MRPS25: variants seen among roughly 807,000 people sequenced by gnomAD.
MRPS25 encodes the protein small ribosomal subunit protein mS25.
In MRPS25, 15 loss-of-function variants were observed where a neutral mutation model predicts 17.3. That is an observed-to-expected ratio of 0.87 (90% CI 0.58 to 1.34). MRPS25 has a LOEUF of 1.34. MRPS25 is among the 40% of genes most tolerant of loss of function. MRPS25 has a pLI of 0.00. For missense variants in MRPS25, 225 were observed against 218.6 expected, an observed-to-expected ratio of 1.03 and a Z score of -0.19; for synonymous variants, 94 against 83.3, an observed-to-expected ratio of 1.13 and a Z score of -0.70.
chr3:15,052,432 C>T lies in MRPS25; in HGVS notation c.*9G>A. On this transcript the variant is annotated 3_prime_UTR_variant, in exon 4 of 4. Coordinates refer to ENST00000253686, the MANE Select transcript of MRPS25 (RefSeq NM_022497.5). ...ACACCATCACCCCAGCCCACAGTGACCGTGGGCCTTAGTCCTGGGCATCGG... is the reference window on the plus strand; with the variant it reads ...ACACCATCACCCCAGCCCACAGTGATCGTGGGCCTTAGTCCTGGGCATCGG... 6.2e-7 allele frequency: 1 copy of T among 1,609,562 alleles called. No individual in the cohort carries two copies.
chr3:15,053,308 A>G, intron 3 of MRPS25, 72 bp downstream of exon 3: 1 of 1,606,518 alleles, frequency 6.2e-7, no homozygotes, highest in Non-Finnish European at 8.5e-7. Flanking sequence ...CACCCTTCCC[A>G]CACACCCCTT....
Position 15,052,713 on chromosome 3 carries a change from C to T in MRPS25, c.330-80G>A, listed in dbSNP as rs560496021. ...AGGGCAGTTTCTCAGCCGAGACAACCCCACCATCCACCAGGGACACCTGGA... is the reference window on the plus strand; with the variant it reads ...AGGGCAGTTTCTCAGCCGAGACAACTCCACCATCCACCAGGGACACCTGGA... On this transcript the variant is annotated intron_variant, in intron 3 of 3. Coordinates refer to ENST00000253686, the MANE Select transcript of MRPS25 (RefSeq NM_022497.5). 66 of 1,441,466 alleles carry T rather than the reference C, an allele frequency of 4.6e-5. No individual in the cohort carries two copies. In the East Asian group the frequency reaches 9.6e-4, roughly 21 times the overall value. The allele number at this position is 1,441,466 out of a possible 1,614,324, so 89.3% of individuals were successfully genotyped here.
In MRPS25 at chr3:15,051,392, C is replaced by T; in HGVS notation, c.*1049G>A. ...AGAGACAAGGTCTTGCCATGTTGCCCAGGCTGGTCTCGAACTCCTGGGCTC... is the reference window on the plus strand; with the variant it reads ...AGAGACAAGGTCTTGCCATGTTGCCTAGGCTGGTCTCGAACTCCTGGGCTC... On this transcript the variant is annotated 3_prime_UTR_variant, in exon 4 of 4. Transcript: ENST00000253686. The T allele has an allele frequency of 1.5e-6, 1 of 670,168 alleles. No individual in the cohort carries two copies. The highest frequency in any genetic ancestry group is 1.8e-6 in the Non-Finnish European group (1 of 542,060). The allele number at this position is 670,168 out of a possible 1,614,324, so 41.5% of individuals were successfully genotyped here. A position where few individuals can be genotyped will look rare whatever the true frequency, so the allele number is the denominator to read the frequency against.
Position 15,061,268 on chromosome 3 carries a change from C to T in MRPS25, c.135-1793G>A, listed in dbSNP as rs536064336. Among the ~76,000 whole-genome samples the T allele has an allele frequency of 7.4e-4, 113 of 152,300 alleles. 1 individual carries two copies. Among genetic ancestry groups the T allele is most frequent in the Non-Finnish European group, 1.8e-4 (12 of 68,032 alleles). On this transcript the variant is annotated intron_variant, in intron 1 of 3. Transcript: ENST00000253686. Reference sequence around the variant, plus strand: ...CCACGGTCTCCCTCTGATGCCGAGCCGAAGCTGGACTGTACTGCTGCCATC... The same window carrying T: ...CCACGGTCTCCCTCTGATGCCGAGCTGAAGCTGGACTGTACTGCTGCCATC...
In MRPS25 at chr3:15,049,708, C is replaced by T; in HGVS notation, c.*2733G>A. 1 of 570,460 alleles carries T rather than the reference C, an allele frequency of 1.8e-6. No homozygotes were observed. The highest frequency in any genetic ancestry group is 3.0e-6 in the Non-Finnish European group (1 of 328,678). The allele number at this position is 570,460 out of a possible 1,614,324, so 35.3% of individuals were successfully genotyped here. On this transcript the variant is annotated 3_prime_UTR_variant, in exon 4 of 4. Transcript: ENST00000253686. ...GAACATATTCATTATGTCATCTGAC[C>T]TCTCATGTTCCAGGTGAAAATTCTG...
At chr3:15,047,183 A>G (rs2042486877), downstream of MRPS25, 1 of 152,640 alleles carries the variant, frequency 6.6e-6, no homozygotes, top group African/African-American at 2.4e-5. Flanking sequence ...TAAAGTTGCT[A>G]ATGTAAACTG....
At chr3:15,054,940 G>A (rs2042650951) in intron 2 of MRPS25, among the ~76,000 whole-genome samples, 1 of 152,168 alleles carries the variant, frequency 6.6e-6, no homozygotes. Context: ...GTAATTTATA[G>A]AGAAAAGAGG....
chr3:15,042,552 T>TTGA, downstream of MRPS25: 1 of 318,530 alleles, frequency 3.1e-6, no homozygotes, highest in Middle Eastern at 8.6e-4. Context: ...CTGTCCTCTG[T>TTGA]TGATGAATTT....
At chr3:15,057,700 C>G (rs2042691240) in intron 2 of MRPS25, among the ~76,000 whole-genome samples, 1 of 152,184 alleles carries the variant, frequency 6.6e-6, no homozygotes, top group Non-Finnish European at 1.5e-5. Flanking sequence ...CGTAAGTGTA[C>G]AGGTATATAA....
In MRPS25 at chr3:15,065,130, A is replaced by C; in HGVS notation, c.65T>G (p.Val22Gly). The C allele has an allele frequency of 6.2e-7, 1 of 1,609,154 alleles. No individual in the cohort carries two copies. Among genetic ancestry groups the C allele is most frequent in the South Asian group, 1.1e-5 (1 of 89,936 alleles). ...TLQYLSQGNV[V>G]FKDSVKVMTV... The stretch of plus-strand genomic sequence containing the variant: ...CATGACCTTCACGGAGTCCTTGAAC[A>C]CCACGTTCCCCTGGCTCAGATATTG... Residue 22 changes from valine to glycine, a missense_variant, in exon 1 of 4, where the codon GTG becomes GGG. Val to Gly is a moderately radical substitution (Grantham distance 109). Transcript: ENST00000253686.
chr3:15,060,177 A>G (rs999915154), intron 1 of MRPS25, among the ~76,000 whole-genome samples: 1 of 152,156 alleles, frequency 6.6e-6, no homozygotes, highest in African/African-American at 2.4e-5. Flanking sequence ...GAGACATTCC[A>G]TAGTGACAAG....
In MRPS25 at chr3:15,050,462, G is replaced by C; in HGVS notation, c.*1979C>G. The C allele has an allele frequency of 1.0e-6, 1 of 983,598 alleles. No homozygotes were observed. Among genetic ancestry groups the C allele is most frequent in the Non-Finnish European group, 1.2e-6 (1 of 829,634 alleles). The allele number at this position is 983,598 out of a possible 1,614,324, so 60.9% of individuals were successfully genotyped here. A position where few individuals can be genotyped will look rare whatever the true frequency, so the allele number is the denominator to read the frequency against. ...GGAAGGAATACTCTCATAAGGCTTTGTGTGTCACTAGCTATGGAGACCTAC... is the reference window on the plus strand; with the variant it reads ...GGAAGGAATACTCTCATAAGGCTTTCTGTGTCACTAGCTATGGAGACCTAC... On this transcript the variant is annotated 3_prime_UTR_variant, in exon 4 of 4. Coordinates refer to ENST00000253686, the MANE Select transcript of MRPS25 (RefSeq NM_022497.5).
chr3:15,058,900 C>T (rs150915094), intron 2 of MRPS25, among the ~76,000 whole-genome samples: 200 of 151,996 alleles, frequency 1.3e-3, no homozygotes, highest in Non-Finnish European at 2.2e-3. Context: ...TGTAAGTGCA[C>T]GCAGTCCTCA....
Position 15,050,053 on chromosome 3 carries a change from C to G in MRPS25, c.*2388G>C. 6.9e-7 allele frequency: 1 copy of G among 1,449,990 alleles called. No homozygotes were observed. 89.8% of individuals were successfully genotyped at this position (1,449,990 alleles called of 1,614,324 possible). A position where few individuals can be genotyped will look rare whatever the true frequency, so the allele number is the denominator to read the frequency against. ...TCACATTTTCTCTAATTAATTTTCT[C>G]CCATTTCTGTATATTTTAAACCCAT... On this transcript the variant is annotated 3_prime_UTR_variant, in exon 4 of 4. Transcript: ENST00000253686.
Position 15,051,917 on chromosome 3 carries a change from A to ATTTT in MRPS25, c.*523_*524insAAAA. 3.0e-6 allele frequency: 3 copies of ATTTT among 985,626 alleles called. No individual in the cohort carries two copies. Among genetic ancestry groups the ATTTT allele is most frequent in the Non-Finnish European group, 3.6e-6 (3 of 830,086 alleles). The allele number at this position is 985,626 out of a possible 1,614,324, so 61.1% of individuals were successfully genotyped here. A position where few individuals can be genotyped will look rare whatever the true frequency, so the allele number is the denominator to read the frequency against. On this transcript the variant is annotated 3_prime_UTR_variant, in exon 4 of 4. Coordinates refer to ENST00000253686, the MANE Select transcript of MRPS25 (RefSeq NM_022497.5). ...GCAAGGGTAATCAACTGTACTTAAAAAAGTGAGCACTGCACGAAGGGTTGC... is the reference window on the plus strand; with the variant it reads ...GCAAGGGTAATCAACTGTACTTAAAATTTTAAGTGAGCACTGCACGAAGGGTTGC...
Position 15,049,809 on chromosome 3 carries a change from C to T in MRPS25, c.*2632G>A, listed in dbSNP as rs2042576702. The T allele has an allele frequency of 1.1e-5, 10 of 886,046 alleles. No homozygotes were observed. The highest frequency in any genetic ancestry group is 1.6e-5 in the Non-Finnish European group (9 of 567,700). The allele number at this position is 886,046 out of a possible 1,614,324, so 54.9% of individuals were successfully genotyped here. A position where few individuals can be genotyped will look rare whatever the true frequency, so the allele number is the denominator to read the frequency against. On this transcript the variant is annotated 3_prime_UTR_variant, in exon 4 of 4. Coordinates refer to ENST00000253686, the MANE Select transcript of MRPS25 (RefSeq NM_022497.5). Reference sequence around the variant, plus strand: ...TCACTCCGTCACCCAGGCTGGAATGCAGTGGTACAGTCATGGCTCACTCCA... The same window carrying T: ...TCACTCCGTCACCCAGGCTGGAATGTAGTGGTACAGTCATGGCTCACTCCA...
At position 15,051,143 on chromosome 3, in the gene MRPS25, G is replaced by T; in HGVS notation, c.*1298C>A. On this transcript the variant is annotated 3_prime_UTR_variant, in exon 4 of 4. Coordinates refer to ENST00000253686, the MANE Select transcript of MRPS25 (RefSeq NM_022497.5). The stretch of plus-strand genomic sequence containing the variant: ...GGTCTCCTTGGCTGAGTTTCTAGGG[G>T]TCCGTGGTCCAACTGGTCCTTCACT... 1 of 985,346 alleles carries T rather than the reference G, an allele frequency of 1.0e-6. No homozygotes were observed. Among genetic ancestry groups the T allele is most frequent in the African/African-American group, 1.7e-5 (1 of 57,318 alleles). The allele number at this position is 985,346 out of a possible 1,614,324, so 61.0% of individuals were successfully genotyped here. A position where few individuals can be genotyped will look rare whatever the true frequency, so the allele number is the denominator to read the frequency against.
In MRPS25 at chr3:15,052,298, C is replaced by G; in HGVS notation, c.*143G>C. 1 of 1,434,294 alleles carries G rather than the reference C, an allele frequency of 7.0e-7. No individual in the cohort carries two copies. Among genetic ancestry groups the G allele is most frequent in the Non-Finnish European group, 9.1e-7 (1 of 1,095,548 alleles). 88.8% of individuals were successfully genotyped at this position (1,434,294 alleles called of 1,614,324 possible). A position where few individuals can be genotyped will look rare whatever the true frequency, so the allele number is the denominator to read the frequency against. On this transcript the variant is annotated 3_prime_UTR_variant, in exon 4 of 4. Coordinates refer to ENST00000253686, the MANE Select transcript of MRPS25 (RefSeq NM_022497.5). ...CCCTCCTCTCCCACATCCTTTTACA[C>G]AGGTGTGTAAAGTCCTTTTAATGCA...
At chr3:15,043,060 C>T, downstream of MRPS25, 2 of 1,518,090 alleles carry the variant, frequency 1.3e-6, no homozygotes, top group Non-Finnish European at 8.9e-7. Flanking sequence ...GGACCGTTCA[C>T]ATACAAAGAA....
Sources: gnomAD v4.1 joint callset for allele counts (sites outside exome capture counted in the v4.1 genomes callset) on GRCh38, gnomAD v4.1.1 for gene constraint, MANE v1.5 for transcripts, NCBI Gene and HGNC (gene_info 2026-07-23, HGNC 2026-07-21) for gene names.